The following HS3ST4 variants were observed in gnomAD, a reference collection of about 807,000 sequenced individuals.
HS3ST4 encodes the protein heparan sulfate glucosamine 3-O-sulfotransferase 4.
Under a neutral mutation model 29.2 loss-of-function variants are expected in HS3ST4, and 17 were observed. The observed-to-expected ratio is 0.58, with a 90% confidence interval of 0.40 to 0.87. The LOEUF is 0.87. Ranked by LOEUF, HS3ST4 falls within the 40% of genes least tolerant of loss-of-function variation. The probability of loss-of-function intolerance (pLI) is 0.00; values close to 1 mark genes in which losing one functional copy is unlikely to be tolerated. For synonymous variants in HS3ST4, 314 were observed against 285.7 expected (o/e 1.10, Z -1.00); for missense variants, 627 against 634.5 (o/e 0.99, Z 0.13).
chr16:26,049,492 G>GTGTGTA (rs1159409830), intron 1 of HS3ST4, among the ~76,000 whole-genome samples: 1 of 151,752 alleles, frequency 6.6e-6, no homozygotes, highest in African/African-American at 2.4e-5. Flanking sequence ...GTGTGTGTGT[G>GTGTGTA]TGTATGTGTG....
intron 1 of HS3ST4, among the ~76,000 whole-genome samples, chr16:26,020,542 A>C (rs551032473): frequency 7.9e-5 from 12 of 152,374 alleles, no homozygotes; most frequent in South Asian, 6.2e-4. Flanking sequence ...AATCATCTGC[A>C]GGGCTTCACA....
At chr16:25,818,819 T>C (rs1413140769) in intron 1 of HS3ST4, among the ~76,000 whole-genome samples, 1 of 149,524 alleles carries the variant, frequency 6.7e-6, no homozygotes, top group Non-Finnish European at 1.5e-5. Context: ...TTATTCCCAC[T>C]TTTTTTTTTC....
At chr16:26,077,359 G>C (rs1014019621) in intron 1 of HS3ST4, among the ~76,000 whole-genome samples, 2 of 152,202 alleles carry the variant, frequency 1.3e-5, no homozygotes, top group African/African-American at 4.8e-5. Context: ...CCCACCTCTT[G>C]GGAGGAACAG....
chr16:26,046,538 C>T (rs1441702229), intron 1 of HS3ST4, among the ~76,000 whole-genome samples: 4 of 152,102 alleles, frequency 2.6e-5, no homozygotes, highest in Non-Finnish European at 5.9e-5. Flanking sequence ...TACCTGTGGA[C>T]CCTTCACTTC....
chr16:26,045,910 C>T (rs1393085117), intron 1 of HS3ST4, among the ~76,000 whole-genome samples: 1 of 152,144 alleles, frequency 6.6e-6, no homozygotes, highest in Non-Finnish European at 1.5e-5. Flanking sequence ...CACAACCAAC[C>T]ATTTATTCAT....
At chr16:25,856,025 G>A (rs1160107195) in intron 1 of HS3ST4, among the ~76,000 whole-genome samples, 1 of 151,998 alleles carries the variant, frequency 6.6e-6, no homozygotes, top group Admixed American at 6.6e-5. Context: ...GGGCATACCT[G>A]GGTGTTTTCC....
chr16:25,849,683 T>C (rs1345313334), intron 1 of HS3ST4, among the ~76,000 whole-genome samples: 2 of 152,006 alleles, frequency 1.3e-5, no homozygotes, highest in Non-Finnish European at 2.9e-5. Context: ...ATTACGTATG[T>C]TTTTGTAGAG....
At chr16:25,722,817 G>C (rs1198320980) in intron 1 of HS3ST4, among the ~76,000 whole-genome samples, 1 of 152,150 alleles carries the variant, frequency 6.6e-6, no homozygotes, top group Non-Finnish European at 1.5e-5. Flanking sequence ...ACTTCATGGG[G>C]GTAGTTGTAA....
intron 1 of HS3ST4, among the ~76,000 whole-genome samples, chr16:25,726,443 CACACACACACAT>C (rs368109024): frequency 1.4e-3 from 208 of 151,956 alleles, no homozygotes; most frequent in African/African-American, 4.1e-3. Flanking sequence ...GGGTATGAAA[CACACACACACAT>C]ACACACACAC....
intron 1 of HS3ST4, among the ~76,000 whole-genome samples, chr16:25,802,650 A>G (rs528097084): frequency 6.6e-6 from 1 of 152,274 alleles, no homozygotes; most frequent in East Asian, 1.9e-4. Flanking sequence ...ATTTAATAAT[A>G]TTACATTTGT....
intron 1 of HS3ST4, among the ~76,000 whole-genome samples, chr16:25,890,523 G>A (rs185874755): frequency 6.6e-6 from 1 of 152,332 alleles, no homozygotes; most frequent in East Asian, 1.9e-4. Flanking sequence ...ACATGAATGT[G>A]TTTGCAAGGA....
At chr16:25,703,645 T>C (rs1966352028) in intron 1 of HS3ST4, among the ~76,000 whole-genome samples, 1 of 152,216 alleles carries the variant, frequency 6.6e-6, no homozygotes, top group African/African-American at 2.4e-5. Flanking sequence ...TTAGTTCCAG[T>C]GTGCAGATGG....
intron 1 of HS3ST4, among the ~76,000 whole-genome samples, chr16:26,019,813 A>G (rs1373014521): frequency 6.6e-6 from 1 of 152,168 alleles, no homozygotes; most frequent in Non-Finnish European, 1.5e-5. Context: ...ATCCCTGTCC[A>G]AGCCGTTTGG....
intron 1 of HS3ST4, among the ~76,000 whole-genome samples, chr16:25,990,080 G>T (rs775450542): frequency 2.6e-5 from 4 of 152,260 alleles, no homozygotes; most frequent in East Asian, 3.9e-4. Flanking sequence ...TACACGTAAG[G>T]TTTCTCCATG....
intron 1 of HS3ST4, among the ~76,000 whole-genome samples, chr16:25,793,393 CTATTA>C (rs2141620723): frequency 6.6e-6 from 1 of 151,916 alleles, no homozygotes; most frequent in South Asian, 2.1e-4. Flanking sequence ...TTAAAGTCTT[CTATTA>C]TGTTTGTGCA....
At chr16:25,828,250 T>TTCTGTCTG (rs1567249338) in intron 1 of HS3ST4, among the ~76,000 whole-genome samples, 11 of 55,374 alleles carry the variant, frequency 2.0e-4, no homozygotes, top group African/African-American at 2.9e-4. Context: ...TTCTCTTTCT[T>TTCTGTCTG]TCTTTCTTTC....
At chr16:25,937,954 A>G (rs1968533131) in intron 1 of HS3ST4, among the ~76,000 whole-genome samples, 2 of 152,150 alleles carry the variant, frequency 1.3e-5, no homozygotes, top group Non-Finnish European at 2.9e-5. Flanking sequence ...TGTGCTGACC[A>G]CAAGGCAGTA....
intron 1 of HS3ST4, among the ~76,000 whole-genome samples, chr16:26,069,373 T>A (rs1898577080): frequency 6.6e-6 from 1 of 152,156 alleles, no homozygotes; most frequent in Non-Finnish European, 1.5e-5. Context: ...GTGGAAGTGA[T>A]CACTTACCAG....
intron 1 of HS3ST4, among the ~76,000 whole-genome samples, chr16:26,072,935 T>C (rs559804227): frequency 6.6e-6 from 1 of 152,184 alleles, no homozygotes; most frequent in Admixed American, 6.5e-5. Flanking sequence ...AAAGTAAATC[T>C]CTACAAAAAA....
Sources: allele counts gnomAD v4.1 joint callset (sites outside exome capture counted in the v4.1 genomes callset), GRCh38; gene constraint gnomAD v4.1.1; transcripts MANE v1.5; gene names NCBI Gene and HGNC (gene_info 2026-07-23, HGNC 2026-07-21).